The following HYCC2 variants were observed in gnomAD, a reference collection of about 807,000 sequenced individuals.
HYCC2 encodes the protein hyccin PI4KA lipid kinase complex subunit 2, also known as hyccin 2.
the HYCC2 span, among the ~76,000 whole-genome samples, chr2:201,007,520 T>G: frequency 1.3e-5 from 2 of 152,208 alleles, no homozygotes; most frequent in Non-Finnish European, 2.9e-5. Flanking sequence ...CATTGTAAAG[T>G]TGAAAAACCT....
the HYCC2 span, among the ~76,000 whole-genome samples, chr2:201,068,180 C>T: frequency 2.0e-5 from 3 of 151,834 alleles, no homozygotes; most frequent in Non-Finnish European, 4.4e-5. Context: ...CCAGCTACTC[C>T]GGAGGCTGGG....
the HYCC2 span, among the ~76,000 whole-genome samples, chr2:200,994,132 T>C: frequency 6.6e-6 from 1 of 152,240 alleles, no homozygotes; most frequent in Non-Finnish European, 1.5e-5. Context: ...AAATGGATGA[T>C]GGTGAGTATC....
At chr2:201,064,308 A>AT in the HYCC2 span, among the ~76,000 whole-genome samples, 151 of 149,466 alleles carry the variant, frequency 1.0e-3, 1 homozygote, top group South Asian at 0.012. Flanking sequence ...TTTAATGTAG[A>AT]TTTTTTTTTT....
chr2:201,010,243 T>A, the HYCC2 span, among the ~76,000 whole-genome samples: 283 of 152,290 alleles, frequency 1.9e-3, 3 homozygotes, highest in African/African-American at 6.4e-3. Flanking sequence ...GATTCCTGGC[T>A]AAATGGGAGA....
the HYCC2 span, chr2:201,022,739 A>G: frequency 2.6e-6 from 2 of 778,640 alleles, no homozygotes; most frequent in Non-Finnish European, 3.8e-6. Context: ...CCAGATCCAC[A>G]AGGAAAGAAA....
chr2:201,031,572 A>G, the HYCC2 span, among the ~76,000 whole-genome samples: 1 of 152,156 alleles, frequency 6.6e-6, no homozygotes, highest in Non-Finnish European at 1.5e-5. Flanking sequence ...AGTCACTTCA[A>G]CCTGGGAAGC....
chr2:201,009,258 C>T, the HYCC2 span: 12 of 431,182 alleles, frequency 2.8e-5, no homozygotes, highest in Admixed American at 3.9e-4. Context: ...TATATAAATT[C>T]TATAGCTTCT....
the HYCC2 span, chr2:201,022,158 T>G: frequency 8.5e-7 from 1 of 1,170,230 alleles, no homozygotes; most frequent in African/African-American, 1.6e-5. Flanking sequence ...CCTTTCATTT[T>G]CATTTTAAGC....
the HYCC2 span, chr2:200,978,433 C>T: frequency 7.3e-6 from 1 of 137,306 alleles, no homozygotes; most frequent in Non-Finnish European, 1.5e-5. Context: ...TATGTATATA[C>T]ATACAGATAA....
chr2:201,059,611 A>G, the HYCC2 span, among the ~76,000 whole-genome samples: 104 of 152,270 alleles, frequency 6.8e-4, no homozygotes, highest in African/African-American at 2.4e-3. Flanking sequence ...GTTTCTTTCC[A>G]TTAATACTCC....
the HYCC2 span, chr2:201,023,852 TATGTTTCTCCATAGAGCACATA>T: frequency 6.9e-4 from 550 of 797,302 alleles, 3 homozygotes; most frequent in African/African-American, 8.2e-3. Flanking sequence ...ACCATATTTT[TATGTTTCTCCATAGAGCACATA>T]ATGTTTCTCC....
At chr2:201,030,317 G>A in the HYCC2 span, among the ~76,000 whole-genome samples, 6 of 151,848 alleles carry the variant, frequency 4.0e-5, no homozygotes, top group East Asian at 1.2e-3. Flanking sequence ...AATACAGTTA[G>A]TTGATAATAA....
At chr2:201,045,597 T>C in the HYCC2 span, 8 of 397,560 alleles carry the variant, frequency 2.0e-5, no homozygotes, top group Non-Finnish European at 3.1e-5. Context: ...TCCAATTCTA[T>C]AAAAAATAAA....
the HYCC2 span, among the ~76,000 whole-genome samples, chr2:201,053,067 A>G: frequency 3.3e-5 from 5 of 152,166 alleles, no homozygotes; most frequent in Non-Finnish European, 5.9e-5. Flanking sequence ...TTCCTAAGTA[A>G]TGGGGACTTA....
At chr2:201,063,870 A>G in the HYCC2 span, 22 of 1,593,432 alleles carry the variant, frequency 1.4e-5, no homozygotes, top group Admixed American at 3.0e-4. Flanking sequence ...GGAAGCTACA[A>G]TGATTTTGGC....
the HYCC2 span, among the ~76,000 whole-genome samples, chr2:200,993,798 G>A: frequency 5.3e-5 from 8 of 151,600 alleles, no homozygotes; most frequent in Non-Finnish European, 1.2e-4. Context: ...TGGCTAACAC[G>A]GTGAAACCCC....
chr2:201,015,629 A>G, the HYCC2 span, among the ~76,000 whole-genome samples: 2 of 152,344 alleles, frequency 1.3e-5, no homozygotes, highest in African/African-American at 2.4e-5. Context: ...TTCCTAATAT[A>G]TAATACAATT....
chr2:201,016,931 A>T, the HYCC2 span: 1 of 1,506,246 alleles, frequency 6.6e-7, no homozygotes, highest in Non-Finnish European at 9.1e-7. Context: ...TTCCTTAAGT[A>T]TTATTTCAGA....
chr2:200,987,359 T>C, the HYCC2 span: 1 of 1,289,370 alleles, frequency 7.8e-7, no homozygotes, highest in Non-Finnish European at 1.0e-6. Context: ...CTCATCTCTG[T>C]CCTACCCTCT....
Sources: gnomAD v4.1 joint callset for allele counts (sites outside exome capture counted in the v4.1 genomes callset) on GRCh38, gnomAD v4.1.1 for gene constraint, MANE v1.5 for transcripts, NCBI Gene and HGNC (gene_info 2026-07-23, HGNC 2026-07-21) for gene names.